Variants in MICAL3 observed in about 807,000 individuals in gnomAD.
The protein encoded by MICAL3 is [F-actin]-monooxygenase MICAL3.
MICAL3 carries 62 observed loss-of-function variants against 207.4 expected under a neutral mutation model. That is an observed-to-expected ratio of 0.30 (90% CI 0.24 to 0.37). MICAL3 has a LOEUF of 0.37. Among genes scored for constraint, MICAL3 ranks in the 10% least tolerant of loss-of-function variants. The pLI is 1.00. For missense variants in MICAL3, 2,368 were observed against 2,635.6 expected, an observed-to-expected ratio of 0.90 and a Z score of 2.22; for synonymous variants, 1,077 against 1,069.3, an observed-to-expected ratio of 1.01 and a Z score of -0.14.
At chr22:18,012,553 G>T (rs1459535773) in intron 1 of MICAL3, among the ~76,000 whole-genome samples, 1 of 152,220 alleles carries the variant, frequency 6.6e-6, no homozygotes, top group Non-Finnish European at 1.5e-5. Flanking sequence ...GTGCCATATT[G>T]ATTCCCTCAG....
intron 1 of MICAL3, chr22:18,019,167 C>T (rs1381345127): frequency 6.6e-6 from 1 of 152,108 alleles, no homozygotes; most frequent in African/African-American, 2.4e-5. Context: ...TGCACTCCAG[C>T]TTGGGTGACA....
chr22:17,910,207 A>G (rs879710839), intron 1 of MICAL3, among the ~76,000 whole-genome samples: 2 of 152,218 alleles, frequency 1.3e-5, no homozygotes, highest in Non-Finnish European at 2.9e-5. Flanking sequence ...CCTTCCCGTC[A>G]TAGCGCCTGC....
intron 1 of MICAL3, among the ~76,000 whole-genome samples, chr22:18,007,472 C>T (rs1250782638): frequency 1.3e-5 from 2 of 151,104 alleles, no homozygotes; most frequent in Non-Finnish European, 2.9e-5. Flanking sequence ...GTTCTATTTT[C>T]CAGGCTGGAG....
intron 1 of MICAL3, among the ~76,000 whole-genome samples, chr22:17,924,425 C>A (rs1932868144): frequency 6.6e-6 from 1 of 152,136 alleles, no homozygotes; most frequent in South Asian, 2.1e-4. Context: ...CTCTGTTCAA[C>A]TTAAATAAAT....
chr22:17,889,035 G>A lies in MICAL3; in HGVS notation c.1890C>T (p.Ser630=), dbSNP rs376323387. ...YEMFKDSLPS[S]DTLDLNAEEK... is the part of the protein sequence containing the mutation. Reference sequence around the variant, plus strand: ...AAAGCAGCTCCTTCCAGGCCTTACCGCTAGAGGGGAGGGAGTCCTTAAACA... The same window carrying A: ...AAAGCAGCTCCTTCCAGGCCTTACCACTAGAGGGGAGGGAGTCCTTAAACA... Residue 630 remains serine, a splice_region_variant and synonymous_variant, in exon 13 of 32, where the codon AGC becomes AGT. Coordinates refer to ENST00000441493, the MANE Select transcript of MICAL3 (RefSeq NM_015241.3). 8.3e-5 allele frequency: 132 copies of A among 1,598,240 alleles called. No individual in the cohort carries two copies. The highest frequency in any genetic ancestry group is 2.4e-4 in the Admixed American group (14 of 59,438).
chr22:17,820,447 C>T (rs777165979), intron 25 of MICAL3, among the ~76,000 whole-genome samples: 33 of 152,184 alleles, frequency 2.2e-4, no homozygotes, highest in Non-Finnish European at 8.8e-5. Flanking sequence ...CTCCGCCTTC[C>T]GGGTTCATGC....
chr22:17,847,667 A>G (rs1239046523), intron 19 of MICAL3, among the ~76,000 whole-genome samples: 1 of 152,240 alleles, frequency 6.6e-6, no homozygotes, highest in African/African-American at 2.4e-5. Context: ...GCGCTGATTG[A>G]AATGACTCAT....
chr22:17,945,480 C>T (rs1934021491), intron 1 of MICAL3, among the ~76,000 whole-genome samples: 1 of 152,178 alleles, frequency 6.6e-6, no homozygotes, highest in South Asian at 2.1e-4. Flanking sequence ...AGAAAAACAA[C>T]CCGAAACAAA....
At chr22:17,937,540 G>C (rs752945117) in intron 1 of MICAL3, among the ~76,000 whole-genome samples, 2 of 152,166 alleles carry the variant, frequency 1.3e-5, no homozygotes, top group Non-Finnish European at 1.5e-5. Flanking sequence ...GCGCATCCCC[G>C]TAATCCTAGC....
chr22:17,817,985 G>A lies in MICAL3; in HGVS notation c.4676C>T (p.Pro1559Leu), dbSNP rs531896195. The part of the protein sequence containing the change: ...CWPRPEKPRH[P>L]PLAKENGRLP... ...CCTCCCGTTCTCCTTGGCCAGGGGC[G>A]GGTGGCGAGGCTTCTCGGGGCGCGG... Residue 1559 changes from proline (P) to leucine (L), a missense_variant, in exon 26 of 32, where the codon CCG becomes CTG. Coordinates refer to ENST00000441493, the MANE Select transcript of MICAL3 (RefSeq NM_015241.3). The A allele has an allele frequency of 8.1e-5, 130 of 1,612,344 alleles. 1 individual carries two copies. The East Asian group carries it at 2.2e-3, about 27-fold the overall frequency.
At position 17,788,209 on chromosome 22, in the gene MICAL3, T is replaced by C. The variant is rs2061801542; in HGVS notation, c.*2523A>G. On this transcript the variant is annotated 3_prime_UTR_variant, in exon 32 of 32. Transcript: ENST00000441493. ...TTTAAAAAAAGTGCTCTACTAGAAC[T>C]GGGTGTCCTCACAGTCGGGAGCAGA... 1 of 152,282 alleles carries C rather than the reference T, an allele frequency of 6.6e-6. No individual in the cohort carries two copies. The highest frequency in any genetic ancestry group is 2.1e-4 in the South Asian group (1 of 4,838). 9.4% of individuals were successfully genotyped at this position (152,282 alleles called of 1,614,324 possible). A position where few individuals can be genotyped will look rare whatever the true frequency, so the allele number is the denominator to read the frequency against.
intron 21 of MICAL3, 119 bp from the exon 22 acceptor site, chr22:17,827,900 A>G: frequency 9.1e-7 from 1 of 1,104,718 alleles, no homozygotes; most frequent in East Asian, 2.6e-5. Context: ...TGAATCAGAA[A>G]GAAGTAAAAA....
intron 1 of MICAL3, among the ~76,000 whole-genome samples, chr22:17,924,616 A>C (rs2146304004): frequency 6.6e-6 from 1 of 152,302 alleles, no homozygotes; most frequent in African/African-American, 2.4e-5. Flanking sequence ...AAATATTCTA[A>C]AACCTGAAAA....
intron 1 of MICAL3, among the ~76,000 whole-genome samples, chr22:17,930,519 C>T (rs1255420720): frequency 1.3e-5 from 2 of 152,306 alleles, no homozygotes; most frequent in East Asian, 1.9e-4. Flanking sequence ...ATGAAACTCA[C>T]AGATTAGTGC....
intron 1 of MICAL3, among the ~76,000 whole-genome samples, chr22:18,003,990 G>A (rs1192203830): frequency 3.3e-5 from 5 of 152,146 alleles, no homozygotes; most frequent in African/African-American, 7.2e-5. Flanking sequence ...GGATGGTCTC[G>A]ATCTCCTGAC....
At chr22:17,997,575 A>G (rs970302927) in intron 1 of MICAL3, among the ~76,000 whole-genome samples, 3 of 152,142 alleles carry the variant, frequency 2.0e-5, no homozygotes, top group African/African-American at 7.2e-5. Context: ...AGCAGGCGTC[A>G]GGGCTCTCAG....
At chr22:17,965,859 T>G (rs1242078938) in intron 1 of MICAL3, among the ~76,000 whole-genome samples, 1 of 151,734 alleles carries the variant, frequency 6.6e-6, no homozygotes, top group African/African-American at 2.4e-5. Context: ...AAGCCAGGAG[T>G]CAAAAATCCA....
chr22:17,944,014 C>T (rs918031192), intron 1 of MICAL3, among the ~76,000 whole-genome samples: 53 of 152,206 alleles, frequency 3.5e-4, no homozygotes, highest in African/African-American at 1.3e-3. Context: ...CCCACCCCTG[C>T]CAACACTGAC....
intron 1 of MICAL3, among the ~76,000 whole-genome samples, chr22:17,933,810 G>A (rs185261244): frequency 2.3e-3 from 353 of 152,136 alleles, no homozygotes; most frequent in African/African-American, 8.2e-3. Flanking sequence ...CCGATCCCAC[G>A]GAAATACAAA....
Sources: allele counts gnomAD v4.1 joint callset (sites outside exome capture counted in the v4.1 genomes callset), GRCh38; gene constraint gnomAD v4.1.1; transcripts MANE v1.5; gene names NCBI Gene and HGNC (gene_info 2026-07-23, HGNC 2026-07-21).